The following SYT1 variants were observed in gnomAD, a reference collection of about 807,000 sequenced individuals.
SYT1 encodes synaptotagmin-1.
SYT1 carries 8 observed loss-of-function variants against 44.8 expected under a neutral mutation model. The ratio of observed to expected loss-of-function variants is 0.18; its 90% confidence interval spans 0.10 to 0.32. The LOEUF is 0.32. Among genes scored for constraint, SYT1 ranks in the 10% least tolerant of loss-of-function variants. The probability of loss-of-function intolerance (pLI) is 1.00; values close to 1 mark genes in which losing one functional copy is unlikely to be tolerated. For missense variants in SYT1, 286 were observed against 509.3 expected (o/e 0.56, Z 4.22); for synonymous variants, 154 against 188.8 (o/e 0.82, Z 1.51).
intron 1 of SYT1, among the ~76,000 whole-genome samples, chr12:78,959,812 T>C (rs1040265626): frequency 2.0e-5 from 3 of 152,120 alleles, no homozygotes; most frequent in Non-Finnish European, 2.9e-5. Flanking sequence ...ACAGGGGAAA[T>C]GTTTTTATGT....
chr12:79,248,458 CCTTT>C (rs2138681470), intron 4 of SYT1, among the ~76,000 whole-genome samples: 1 of 152,208 alleles, frequency 6.6e-6, no homozygotes, highest in East Asian at 1.9e-4. Context: ...AAGCCAGAGA[CCTTT>C]CTTGCCTCCT....
At chr12:79,122,631 T>C (rs1277858622) in intron 3 of SYT1, among the ~76,000 whole-genome samples, 8 of 152,058 alleles carry the variant, frequency 5.3e-5, no homozygotes, top group African/African-American at 1.9e-4. Flanking sequence ...CTAATTCAGA[T>C]TCCAAATGTG....
chr12:79,358,722 G>T lies in SYT1; in HGVS notation c.928+5103G>T, dbSNP rs549777449. Reference sequence around the variant, plus strand: ...CCTACCTTCAAGATGGGAGAGCAAGGATTCCTCAGCTCTAACCTGCGTGAG... The same window carrying T: ...CCTACCTTCAAGATGGGAGAGCAAGTATTCCTCAGCTCTAACCTGCGTGAG... On this transcript the variant is annotated intron_variant, in intron 9 of 10. Transcript: ENST00000261205. 7.2e-5 allele frequency among the ~76,000 whole-genome samples: 11 copies of T among 152,264 alleles called. No individual in the cohort carries two copies. In the East Asian group the frequency reaches 2.1e-3, roughly 29 times the overall value.
chr12:79,138,395 G>T (rs1029269684), intron 3 of SYT1, among the ~76,000 whole-genome samples: 2 of 152,112 alleles, frequency 1.3e-5, no homozygotes, highest in Non-Finnish European at 2.9e-5. Flanking sequence ...ATTTAGTAAT[G>T]CAATATTAAA....
chr12:79,403,392 T>C lies in SYT1; in HGVS notation c.929-40681T>C, dbSNP rs370057026. Among the ~76,000 whole-genome samples the C allele has an allele frequency of 9.2e-5, 14 of 152,286 alleles. 1 individual carries two copies. In the East Asian group the frequency reaches 2.5e-3, roughly 27 times the overall value. On this transcript the variant is annotated intron_variant, in intron 9 of 10. Coordinates refer to ENST00000261205, the MANE Select transcript of SYT1 (RefSeq NM_005639.3). ...AGTAGACTGGAGACCCAGGAAATAC[T>C]TGATGTTCAGTCCAAAGGCACTCTG... is the stretch of plus-strand genomic sequence containing the variant.
chr12:79,187,268 A>G (rs1032539617), intron 3 of SYT1, among the ~76,000 whole-genome samples: 8 of 152,074 alleles, frequency 5.3e-5, no homozygotes, highest in Admixed American at 2.6e-4. Context: ...ATAGCTTTTT[A>G]AAAGTCATTG....
At chr12:79,428,166 G>C (rs1362637547) in intron 9 of SYT1, among the ~76,000 whole-genome samples, 1 of 152,160 alleles carries the variant, frequency 6.6e-6, no homozygotes, top group South Asian at 2.1e-4. Context: ...GGAAAGACTG[G>C]ATGGTACAGT....
chr12:79,137,873 T>C (rs1869301813), intron 3 of SYT1, among the ~76,000 whole-genome samples: 1 of 152,202 alleles, frequency 6.6e-6, no homozygotes, highest in South Asian at 2.1e-4. Context: ...CAGTGGATAT[T>C]TCTTCCTTTC....
Position 79,353,632 on chromosome 12 carries a change from T to G in SYT1, c.928+13T>G, listed in dbSNP as rs755323951. 6.2e-5 allele frequency: 99 copies of G among 1,596,092 alleles called. No homozygotes were observed. Among genetic ancestry groups the G allele is most frequent in the Non-Finnish European group, 7.6e-5 (89 of 1,163,976 alleles). On this transcript the variant is annotated intron_variant, in intron 9 of 10. Coordinates refer to ENST00000261205, the MANE Select transcript of SYT1 (RefSeq NM_005639.3). ...GGTGGCTTATCCGGTAAGCCTGCAG[T>G]GTTTATTGATTTTTTTCAAATGCTG...
At chr12:79,075,515 C>A (rs182116149) in intron 3 of SYT1, among the ~76,000 whole-genome samples, 6 of 152,294 alleles carry the variant, frequency 3.9e-5, no homozygotes, top group Admixed American at 3.9e-4. Context: ...AACACAGAAT[C>A]GTCTTTTTCA....
intron 2 of SYT1, among the ~76,000 whole-genome samples, chr12:79,044,474 C>T (rs1182038359): frequency 2.0e-5 from 3 of 148,962 alleles, no homozygotes; most frequent in East Asian, 3.9e-4. Flanking sequence ...GTTTTCAGCT[C>T]CATCAGCTCC....
intron 3 of SYT1, among the ~76,000 whole-genome samples, chr12:79,168,446 T>G (rs1034637206): frequency 1.3e-5 from 2 of 152,122 alleles, no homozygotes; most frequent in Non-Finnish European, 2.9e-5. Flanking sequence ...TAGTTTGATC[T>G]GGCAAAGATG....
Position 79,004,323 on chromosome 12 carries a change from T to C in SYT1, c.-84+26392T>C, listed in dbSNP as rs537750201. On this transcript the variant is annotated intron_variant, in intron 2 of 10. Coordinates refer to ENST00000261205, the MANE Select transcript of SYT1 (RefSeq NM_005639.3). ...AATTATAGCATGTAACTAATTCATCTAATTCTCACTGACTTCTCTTATGTA... is the reference window on the plus strand; with the variant it reads ...AATTATAGCATGTAACTAATTCATCCAATTCTCACTGACTTCTCTTATGTA... Among the ~76,000 whole-genome samples the C allele has an allele frequency of 2.9e-3, 443 of 152,054 alleles. 2 individuals carry two copies. Among genetic ancestry groups the C allele is most frequent in the African/African-American group, 9.9e-3 (413 of 41,562 alleles).
At chr12:79,037,033 A>G (rs1873179049) in intron 2 of SYT1, among the ~76,000 whole-genome samples, 1 of 151,854 alleles carries the variant, frequency 6.6e-6, no homozygotes, top group Non-Finnish European at 1.5e-5. Flanking sequence ...GTCATTATGT[A>G]ACCTTATTAA....
At chr12:79,070,051 G>A (rs893410954) in intron 3 of SYT1, among the ~76,000 whole-genome samples, 1 of 151,942 alleles carries the variant, frequency 6.6e-6, no homozygotes, top group African/African-American at 2.4e-5. Context: ...AGCTAATTAA[G>A]GTGTCATAGG....
intron 2 of SYT1, among the ~76,000 whole-genome samples, chr12:78,993,423 A>G (rs1337519540): frequency 6.6e-6 from 1 of 152,216 alleles, no homozygotes; most frequent in African/African-American, 2.4e-5. Context: ...CAAGGCAGCT[A>G]TCCTTGAAGA....
chr12:78,913,254 C>A (rs991294828), intron 1 of SYT1, among the ~76,000 whole-genome samples: 9 of 151,222 alleles, frequency 6.0e-5, no homozygotes, highest in African/African-American at 2.2e-4. Flanking sequence ...TCAATCTACA[C>A]TCATTGTAAA....
At chr12:78,877,092 T>C (rs1874211765) in intron 1 of SYT1, among the ~76,000 whole-genome samples, 1 of 149,162 alleles carries the variant, frequency 6.7e-6, no homozygotes. Context: ...ATTGAATGAG[T>C]GTATTAGTCT....
At chr12:79,030,324 C>T (rs1415412916) in intron 2 of SYT1, among the ~76,000 whole-genome samples, 2 of 150,896 alleles carry the variant, frequency 1.3e-5, no homozygotes, top group Non-Finnish European at 3.0e-5. Context: ...CTTTCTCTCT[C>T]CTTCCCATAC....
Sources: allele counts gnomAD v4.1 joint callset (sites outside exome capture counted in the v4.1 genomes callset), GRCh38; gene constraint gnomAD v4.1.1; transcripts MANE v1.5; gene names NCBI Gene and HGNC (gene_info 2026-07-23, HGNC 2026-07-21).